XNDC1N: variants seen among roughly 807,000 people sequenced by gnomAD.
The protein encoded by XNDC1N is protein XNDC1N.
chr11:71,913,524 T>C, the XNDC1N span, among the ~76,000 whole-genome samples: 1 of 151,396 alleles, frequency 6.6e-6, no homozygotes, highest in Middle Eastern at 3.2e-3. Flanking sequence ...CCGGGTGTGG[T>C]GGTGTGCGCC....
chr11:71,877,146 C>T, the XNDC1N span, among the ~76,000 whole-genome samples: 4 of 152,226 alleles, frequency 2.6e-5, no homozygotes, highest in African/African-American at 9.6e-5. Context: ...CAGGGAGGAC[C>T]TGCTCAAATA....
the XNDC1N span, among the ~76,000 whole-genome samples, chr11:71,875,834 T>C: frequency 1.3e-5 from 2 of 152,156 alleles, no homozygotes; most frequent in Admixed American, 6.5e-5. Flanking sequence ...AAGACCAGCC[T>C]GGCCAACATG....
the XNDC1N span, among the ~76,000 whole-genome samples, chr11:71,922,167 TAA>T: frequency 2.6e-5 from 4 of 152,304 alleles, no homozygotes; most frequent in Admixed American, 6.5e-5. Flanking sequence ...CTAAAAAAAG[TAA>T]AAAGTCTATG....
chr11:71,886,052 C>T, the XNDC1N span, among the ~76,000 whole-genome samples: 1 of 152,024 alleles, frequency 6.6e-6, no homozygotes, highest in African/African-American at 2.4e-5. Flanking sequence ...CTCGGCAGCT[C>T]GTTTACGACC....
chr11:71,870,800 A>T, the XNDC1N span, among the ~76,000 whole-genome samples: 1 of 152,214 alleles, frequency 6.6e-6, no homozygotes, highest in Non-Finnish European at 1.5e-5. Flanking sequence ...CTCACTAATC[A>T]TTAGGGAAAT....
At chr11:71,896,263 A>T in the XNDC1N span, among the ~76,000 whole-genome samples, 1 of 152,210 alleles carries the variant, frequency 6.6e-6, no homozygotes, top group Non-Finnish European at 1.5e-5. Flanking sequence ...TGGGCAACAG[A>T]AAGAGACTCC....
At chr11:71,915,181 G>A in the XNDC1N span, among the ~76,000 whole-genome samples, 65 of 152,258 alleles carry the variant, frequency 4.3e-4, no homozygotes, top group East Asian at 0.011. Flanking sequence ...GGGCACGGTG[G>A]CTCACGCCTG....
chr11:71,919,997 G>A, the XNDC1N span, among the ~76,000 whole-genome samples: 3 of 112,060 alleles, frequency 2.7e-5, no homozygotes, highest in Admixed American at 1.3e-4. Context: ...TGTCTCTGTC[G>A]TCCAGGCTGG....
the XNDC1N span, among the ~76,000 whole-genome samples, chr11:71,900,561 T>C: frequency 6.6e-6 from 1 of 152,132 alleles, no homozygotes; most frequent in African/African-American, 2.4e-5. Context: ...AATTTTGCTC[T>C]CCTCCCCCAC....
At chr11:71,913,345 A>C in the XNDC1N span, among the ~76,000 whole-genome samples, 24 of 152,116 alleles carry the variant, frequency 1.6e-4, no homozygotes, top group African/African-American at 5.3e-4. Context: ...CGATATTGGG[A>C]GTAAGATCAT....
the XNDC1N span, chr11:71,893,785 CT>C: frequency 3.6e-6 from 4 of 1,102,074 alleles, no homozygotes; most frequent in Non-Finnish European, 2.5e-6. Flanking sequence ...CTTCTTGCTC[CT>C]TTTTGCATGT....
At chr11:71,872,466 G>T in the XNDC1N span, among the ~76,000 whole-genome samples, 2 of 152,116 alleles carry the variant, frequency 1.3e-5, no homozygotes, top group Non-Finnish European at 2.9e-5. Flanking sequence ...TTAAGAAATA[G>T]GAATTATCAC....
the XNDC1N span, among the ~76,000 whole-genome samples, chr11:71,902,084 G>A: frequency 4.6e-3 from 695 of 152,178 alleles, 15 homozygotes; most frequent in African/African-American, 0.016. Flanking sequence ...ATCGTGCTTG[G>A]CACATAGGAG....
At chr11:71,886,524 G>A in the XNDC1N span, among the ~76,000 whole-genome samples, 4 of 152,136 alleles carry the variant, frequency 2.6e-5, no homozygotes, top group East Asian at 1.9e-4. Flanking sequence ...GGCCACAAAC[G>A]TTAACAAGCT....
the XNDC1N span, among the ~76,000 whole-genome samples, chr11:71,870,071 G>A: frequency 1.3e-5 from 2 of 152,190 alleles, no homozygotes; most frequent in Non-Finnish European, 2.9e-5. Flanking sequence ...GAGAGCTTGT[G>A]CAGGGGAATT....
chr11:71,879,704 C>T, the XNDC1N span, among the ~76,000 whole-genome samples: 67 of 152,124 alleles, frequency 4.4e-4, no homozygotes, highest in Non-Finnish European at 7.8e-4. Flanking sequence ...CACCCCTCAC[C>T]ATTATCTAAT....
the XNDC1N span, chr11:71,878,421 G>A: frequency 6.2e-7 from 1 of 1,609,112 alleles, no homozygotes; most frequent in Non-Finnish European, 8.5e-7. Flanking sequence ...CTCAACTACT[G>A]ATTCTCTCTA....
chr11:71,888,492 C>T, the XNDC1N span, among the ~76,000 whole-genome samples: 1 of 152,166 alleles, frequency 6.6e-6, no homozygotes, highest in Non-Finnish European at 1.5e-5. Context: ...GCAGCCCCAG[C>T]CCTGGGGCTA....
At chr11:71,878,799 G>C in the XNDC1N span, among the ~76,000 whole-genome samples, 1 of 151,676 alleles carries the variant, frequency 6.6e-6, no homozygotes, top group Non-Finnish European at 1.5e-5. Context: ...CAGCCCGGTG[G>C]GGGCAACAGG....
Sources: gnomAD v4.1 joint callset for allele counts (sites outside exome capture counted in the v4.1 genomes callset) on GRCh38, gnomAD v4.1.1 for gene constraint, MANE v1.5 for transcripts, NCBI Gene and HGNC (gene_info 2026-07-23, HGNC 2026-07-21) for gene names.